The following SAMTOR variants were observed in gnomAD, a reference collection of about 807,000 sequenced individuals.
SAMTOR encodes UPF0532 protein C7orf60.
chr7:112,902,460 ACC>A, the SAMTOR span, among the ~76,000 whole-genome samples: 2,477 of 140,394 alleles, frequency 0.018, 2 homozygotes, highest in East Asian at 0.041. Flanking sequence ...AAAAAAAAAA[ACC>A]AAAAAAGTTG....
chr7:112,883,007 T>C, the SAMTOR span, among the ~76,000 whole-genome samples: 3 of 152,216 alleles, frequency 2.0e-5, no homozygotes, highest in African/African-American at 7.2e-5. Flanking sequence ...AAAGCATTAA[T>C]ATCTAATTCA....
the SAMTOR span, chr7:112,820,483 T>G: frequency 6.6e-6 from 1 of 152,280 alleles, no homozygotes; most frequent in African/African-American, 2.4e-5. Flanking sequence ...GAAAAAAAAA[T>G]CCACACAGTG....
the SAMTOR span, among the ~76,000 whole-genome samples, chr7:112,914,686 T>C: frequency 0.023 from 3,426 of 152,262 alleles, 65 homozygotes; most frequent in Admixed American, 0.042. Flanking sequence ...GAAATTTTTA[T>C]ACCATAATTT....
At chr7:112,921,030 T>G in the SAMTOR span, among the ~76,000 whole-genome samples, 13 of 152,092 alleles carry the variant, frequency 8.5e-5, no homozygotes, top group African/African-American at 2.9e-4. Flanking sequence ...CCCAAGGTAA[T>G]TTATAGATTC....
chr7:112,866,654 G>A, the SAMTOR span, among the ~76,000 whole-genome samples: 2 of 152,178 alleles, frequency 1.3e-5, no homozygotes, highest in Admixed American at 6.5e-5. Context: ...CTCTTCTACA[G>A]AGTTTCAGTT....
chr7:112,866,565 C>A, the SAMTOR span, among the ~76,000 whole-genome samples: 1 of 152,160 alleles, frequency 6.6e-6, no homozygotes, highest in Non-Finnish European at 1.5e-5. Flanking sequence ...CTAGTGGCCA[C>A]CTGCCTGCGG....
chr7:112,866,150 T>G, the SAMTOR span, among the ~76,000 whole-genome samples: 8 of 152,268 alleles, frequency 5.3e-5, no homozygotes, highest in African/African-American at 1.7e-4. Context: ...ATAATTTAGG[T>G]AATTGCTATA....
the SAMTOR span, among the ~76,000 whole-genome samples, chr7:112,930,730 T>G: frequency 6.6e-6 from 1 of 152,208 alleles, no homozygotes; most frequent in Non-Finnish European, 1.5e-5. Context: ...ATATGCCAAA[T>G]GTTGTTTTAA....
chr7:112,860,807 G>T, the SAMTOR span, among the ~76,000 whole-genome samples: 1 of 151,346 alleles, frequency 6.6e-6, no homozygotes, highest in African/African-American at 2.4e-5. Flanking sequence ...AGCTACTCGG[G>T]AGGCTGGGAC....
chr7:112,903,763 G>A, the SAMTOR span, among the ~76,000 whole-genome samples: 1 of 152,138 alleles, frequency 6.6e-6, no homozygotes, highest in African/African-American at 2.4e-5. Flanking sequence ...GAAAGAAAGT[G>A]TGAGTCAAGG....
the SAMTOR span, among the ~76,000 whole-genome samples, chr7:112,857,538 T>C: frequency 1.3e-5 from 2 of 152,134 alleles, no homozygotes; most frequent in African/African-American, 2.4e-5. Flanking sequence ...AATACAAACA[T>C]GTATCTAAAG....
chr7:112,895,669 G>C, the SAMTOR span: 1 of 1,590,236 alleles, frequency 6.3e-7, no homozygotes, highest in Non-Finnish European at 8.6e-7. Context: ...TTAGTGGCAA[G>C]TACAGCTCTT....
chr7:112,822,278 GTTTT>G, the SAMTOR span: 1 of 1,613,470 alleles, frequency 6.2e-7, no homozygotes. Flanking sequence ...AATCAATAGG[GTTTT>G]TCAGCTGCTT....
the SAMTOR span, among the ~76,000 whole-genome samples, chr7:112,920,931 T>C: frequency 2.0e-5 from 3 of 152,028 alleles, no homozygotes; most frequent in African/African-American, 7.3e-5. Flanking sequence ...AAACCACTGC[T>C]CAAGGAAATA....
At chr7:112,920,370 G>A in the SAMTOR span, among the ~76,000 whole-genome samples, 1 of 151,732 alleles carries the variant, frequency 6.6e-6, no homozygotes, top group Non-Finnish European at 1.5e-5. Context: ...CTCAATAGAT[G>A]CAGAAAAGGC....
At chr7:112,849,892 AT>A in the SAMTOR span, among the ~76,000 whole-genome samples, 47 of 152,148 alleles carry the variant, frequency 3.1e-4, no homozygotes, top group Non-Finnish European at 4.3e-4. Flanking sequence ...TATGAATGAC[AT>A]TTATTGATTG....
At chr7:112,854,525 A>G in the SAMTOR span, among the ~76,000 whole-genome samples, 1 of 152,212 alleles carries the variant, frequency 6.6e-6, no homozygotes, top group African/African-American at 2.4e-5. Flanking sequence ...ATCTGAAAAA[A>G]GTTTTTCTCA....
chr7:112,911,391 C>T, the SAMTOR span, among the ~76,000 whole-genome samples: 1 of 152,142 alleles, frequency 6.6e-6, no homozygotes, highest in Non-Finnish European at 1.5e-5. Flanking sequence ...AGCTCCAATA[C>T]AGCTCAACTC....
At chr7:112,935,412 A>G in the SAMTOR span, 1 of 287,508 alleles carries the variant, frequency 3.5e-6, no homozygotes, top group Non-Finnish European at 6.8e-6. Context: ...TTTTAATACA[A>G]AAGTTTTTCC....
Sources: gnomAD v4.1 joint callset for allele counts (sites outside exome capture counted in the v4.1 genomes callset) on GRCh38, gnomAD v4.1.1 for gene constraint, MANE v1.5 for transcripts, NCBI Gene and HGNC (gene_info 2026-07-23, HGNC 2026-07-21) for gene names.